The following GNG2 variants were observed in gnomAD, a reference collection of about 807,000 sequenced individuals.
The protein encoded by GNG2 is G protein subunit gamma 2, also known as guanine nucleotide-binding protein G(I)/G(S)/G(O) subunit gamma-2.
GNG2 carries 5 observed loss-of-function variants against 5.5 expected under a neutral mutation model. The observed-to-expected ratio is 0.91, with a 90% CI of 0.48 to 1.92. The LOEUF (loss-of-function observed/expected upper bound fraction) is 1.92, where lower values mean the gene tolerates loss of function less well. Among genes scored for constraint, GNG2 ranks in the 30% most tolerant of loss-of-function variants. The pLI, the probability that GNG2 is intolerant of heterozygous loss-of-function variation, is 0.01. For synonymous variants in GNG2, 28 were observed against 32.0 expected (o/e 0.88, Z 0.42); for missense variants, 55 against 88.4 (o/e 0.62, Z 1.52).
chr14:51,958,561 C>T (rs544163346), intron 3 of GNG2, among the ~76,000 whole-genome samples: 12 of 151,866 alleles, frequency 7.9e-5, no homozygotes, highest in East Asian at 5.8e-4. Context: ...TTCTACTTTC[C>T]GTATTTGTAA....
Position 51,968,806 on chromosome 14 carries a change from G to A in GNG2, c.*2119G>A, listed in dbSNP as rs911331464. 1 of 152,208 alleles carries A rather than the reference G, an allele frequency of 6.6e-6. No homozygotes were observed. Among genetic ancestry groups the A allele is most frequent in the African/African-American group, 2.4e-5 (1 of 41,458 alleles). The allele number at this position is 152,208 out of a possible 1,614,324, so 9.4% of individuals were successfully genotyped here. A position where few individuals can be genotyped will look rare whatever the true frequency, so the allele number is the denominator to read the frequency against. Reference sequence around the variant, plus strand: ...AATGAATAAAACACTCTTTGGTGGTGACTGAGGCATCATTAGAAGGCCCAG... The same window carrying A: ...AATGAATAAAACACTCTTTGGTGGTAACTGAGGCATCATTAGAAGGCCCAG... On this transcript the variant is annotated 3_prime_UTR_variant, in exon 4 of 4. Transcript: ENST00000556766.
At chr14:51,854,636 C>T (rs1256379820) in intron 2 of GNG2, among the ~76,000 whole-genome samples, 1 of 152,076 alleles carries the variant, frequency 6.6e-6, no homozygotes, top group South Asian at 2.1e-4. Context: ...TCAGCTCCCC[C>T]CGAGTAGCTG....
At chr14:51,887,674 T>C (rs375747599) in intron 2 of GNG2, among the ~76,000 whole-genome samples, 37 of 152,288 alleles carry the variant, frequency 2.4e-4, no homozygotes, top group Admixed American at 4.6e-4. Flanking sequence ...GAGCTGGGGC[T>C]GTGGGGTTAA....
Position 51,889,482 on chromosome 14 carries a change from A to G in GNG2, c.-30+11825A>G, listed in dbSNP as rs140588529. On this transcript the variant is annotated intron_variant, in intron 2 of 3. Transcript: ENST00000556766. ...AGAATTCACAGTCTAATCTGTGACT[A>G]TACTAAAAACACTGAATTGTATACC... Among the ~76,000 whole-genome samples the G allele has an allele frequency of 3.9e-5, 6 of 152,194 alleles. No individual in the cohort carries two copies. The East Asian group carries it at 9.6e-4, about 24-fold the overall frequency.
intron 2 of GNG2, chr14:51,940,506 A>G (rs1015132952): frequency 9.9e-5 from 15 of 152,028 alleles, no homozygotes; most frequent in Non-Finnish European, 1.5e-4. Flanking sequence ...TTCATCTCAA[A>G]CCTCCACACT....
intron 3 of GNG2, among the ~76,000 whole-genome samples, chr14:51,959,643 A>G (rs1253639): frequency 0.5 from 76,504 of 151,826 alleles, 19,799 homozygotes; most frequent in Non-Finnish European, 0.58. Context: ...ACTGTTCACA[A>G]CACAGCATTC....
chr14:51,870,358 C>G (rs1322063789), intron 1 of GNG2, among the ~76,000 whole-genome samples: 3 of 152,080 alleles, frequency 2.0e-5, no homozygotes, highest in Non-Finnish European at 4.4e-5. Flanking sequence ...TAAAGAATAA[C>G]CTTCTAAACA....
At chr14:51,844,885 C>T (rs939581209) in intron 2 of GNG2, among the ~76,000 whole-genome samples, 1 of 152,140 alleles carries the variant, frequency 6.6e-6, no homozygotes, top group African/African-American at 2.4e-5. Flanking sequence ...GCCACCAGGC[C>T]CAGCTAATTT....
At chr14:51,828,489 A>G (rs1479937413) in intron 2 of GNG2, among the ~76,000 whole-genome samples, 1 of 152,202 alleles carries the variant, frequency 6.6e-6, no homozygotes, top group Admixed American at 6.5e-5. Context: ...GAAGGAATAA[A>G]TCAAGGAGAT....
intron 1 of GNG2, among the ~76,000 whole-genome samples, chr14:51,862,657 G>A (rs1371738219): frequency 2.0e-5 from 3 of 152,262 alleles, no homozygotes; most frequent in Non-Finnish European, 4.4e-5. Flanking sequence ...ACATGAGTAA[G>A]AAAATGAAAC....
chr14:51,878,268 C>A (rs907808876), intron 2 of GNG2, among the ~76,000 whole-genome samples: 1 of 152,166 alleles, frequency 6.6e-6, no homozygotes, highest in Non-Finnish European at 1.5e-5. Flanking sequence ...TTTCTCTAGT[C>A]AATGACTTAG....
intron 3 of GNG2, among the ~76,000 whole-genome samples, chr14:51,958,677 G>A (rs987037332): frequency 1.6e-4 from 24 of 152,070 alleles, no homozygotes; most frequent in Non-Finnish European, 2.9e-5. Flanking sequence ...CCACATGGAT[G>A]CCTTGCACAT....
chr14:51,895,101 A>G (rs1225815926), intron 2 of GNG2, among the ~76,000 whole-genome samples: 1 of 152,148 alleles, frequency 6.6e-6, no homozygotes, highest in African/African-American at 2.4e-5. Context: ...AGGAAATAAA[A>G]AGCCATTTAG....
At chr14:51,856,706 C>T (rs911631591), upstream of GNG2, among the ~76,000 whole-genome samples, 2 of 152,254 alleles carry the variant, frequency 1.3e-5, no homozygotes, top group Non-Finnish European at 2.9e-5. Context: ...GCTGGGATTA[C>T]AGGCATAGGC....
At chr14:51,834,307 C>A (rs1278006044) in intron 2 of GNG2, among the ~76,000 whole-genome samples, 1 of 152,222 alleles carries the variant, frequency 6.6e-6, no homozygotes, top group Non-Finnish European at 1.5e-5. Context: ...ACTTGGCTCC[C>A]GAGCTGTGGT....
At chr14:51,962,600 CAA>C (rs1258800122) in intron 3 of GNG2, among the ~76,000 whole-genome samples, 2 of 152,016 alleles carry the variant, frequency 1.3e-5, no homozygotes, top group East Asian at 3.9e-4. Flanking sequence ...TTAGTAATCA[CAA>C]AGAGAGAAGA....
chr14:51,880,425 A>G (rs1428450233), intron 2 of GNG2, among the ~76,000 whole-genome samples: 3 of 152,326 alleles, frequency 2.0e-5, no homozygotes, highest in African/African-American at 4.8e-5. Flanking sequence ...TAGGTATGGT[A>G]TAATTTCCTC....
chr14:51,901,228 G>T (rs919570790), intron 2 of GNG2, among the ~76,000 whole-genome samples: 1 of 150,898 alleles, frequency 6.6e-6, no homozygotes, highest in Non-Finnish European at 1.5e-5. Flanking sequence ...AAAAAAAGTT[G>T]CCCAGGCTGG....
At chr14:51,837,961 T>C (rs759472552) in intron 2 of GNG2, among the ~76,000 whole-genome samples, 2 of 152,110 alleles carry the variant, frequency 1.3e-5, no homozygotes, top group Non-Finnish European at 2.9e-5. Context: ...AGTTGTAAAA[T>C]ATCCTCGTCA....
Sources: allele counts gnomAD v4.1 joint callset (sites outside exome capture counted in the v4.1 genomes callset), GRCh38; gene constraint gnomAD v4.1.1; transcripts MANE v1.5; gene names NCBI Gene and HGNC (gene_info 2026-07-23, HGNC 2026-07-21).